The following CNTN4 variants were observed in gnomAD, a reference collection of about 807,000 sequenced individuals.
The protein encoded by CNTN4 is contactin-4.
A neutral mutation model predicts 122.5 loss-of-function variants in CNTN4; 77 were observed. That is an observed-to-expected ratio of 0.63 (90% CI 0.52 to 0.76). The LOEUF is 0.76. CNTN4 is among the 30% of genes least tolerant of loss of function. The pLI is 0.00. For missense variants in CNTN4, 1,256 were observed against 1,259.1 expected, an observed-to-expected ratio of 1.00 and a Z score of 0.04; for synonymous variants, 512 against 447.0, an observed-to-expected ratio of 1.15 and a Z score of -1.83.
In CNTN4 at chr3:2,100,657, A is replaced by G. The variant is rs938075873; in HGVS notation, c.-145+18A>G. ...CGTTACCCGTAAGTTTATTCTTGCT[A>G]TTTTTATCTTGATTTCTTTAAAGAT... On this transcript the variant is annotated intron_variant, in intron 2 of 24. Transcript: ENST00000418658. 2.0e-5 allele frequency: 3 copies of G among 152,180 alleles called. No homozygotes were observed. Among genetic ancestry groups the G allele is most frequent in the African/African-American group, 4.8e-5 (2 of 41,444 alleles). 9.4% of individuals were successfully genotyped at this position (152,180 alleles called of 1,614,324 possible).
At chr3:3,018,198 C>A (rs1381029077) in intron 14 of CNTN4, among the ~76,000 whole-genome samples, 2 of 152,142 alleles carry the variant, frequency 1.3e-5, no homozygotes, top group African/African-American at 2.4e-5. Flanking sequence ...TTGCTCCTGA[C>A]AATAGGTATT....
At chr3:2,684,772 T>C (rs2085345403) in intron 4 of CNTN4, among the ~76,000 whole-genome samples, 1 of 151,820 alleles carries the variant, frequency 6.6e-6, no homozygotes, top group Non-Finnish European at 1.5e-5. Context: ...TTTAAAATAG[T>C]TTAACAAAAA....
intron 4 of CNTN4, among the ~76,000 whole-genome samples, chr3:2,623,672 A>G (rs1211943038): frequency 1.3e-5 from 2 of 152,194 alleles, no homozygotes; most frequent in East Asian, 1.9e-4. Flanking sequence ...GGGCAAGCAT[A>G]GAAACCACTG....
At chr3:2,122,538 T>C (rs2033869351) in intron 2 of CNTN4, among the ~76,000 whole-genome samples, 1 of 152,220 alleles carries the variant, frequency 6.6e-6, no homozygotes, top group Non-Finnish European at 1.5e-5. Context: ...GAATTTATGT[T>C]CTTTACAGAC....
chr3:2,171,964 C>G (rs1027187160), intron 2 of CNTN4, among the ~76,000 whole-genome samples: 1 of 152,166 alleles, frequency 6.6e-6, no homozygotes, highest in African/African-American at 2.4e-5. Flanking sequence ...TCATTCCTGA[C>G]CTCGTGAATC....
rs139101802 is a variant in CNTN4, at chr3:2,245,293, G to A, written c.-144-93885G>A. Among the ~76,000 whole-genome samples the A allele has an allele frequency of 4.3e-3, 661 of 152,070 alleles. 4 individuals are homozygous for A. Among genetic ancestry groups the A allele is most frequent in the African/African-American group, 0.015 (626 of 41,512 alleles). On this transcript the variant is annotated intron_variant, in intron 2 of 24. Transcript: ENST00000418658. ...CTAATTCATTTGAGATCTAATATGT[G>A]GGCAAAATAGACAGATTGGTGCAAT...
At chr3:2,577,692 T>C (rs184334323) in intron 4 of CNTN4, among the ~76,000 whole-genome samples, 1 of 152,354 alleles carries the variant, frequency 6.6e-6, no homozygotes, top group Admixed American at 6.5e-5. Flanking sequence ...ATAGGTCATA[T>C]GCTTTACCAT....
At chr3:2,265,929 C>T (rs2041026023) in intron 2 of CNTN4, among the ~76,000 whole-genome samples, 1 of 151,968 alleles carries the variant, frequency 6.6e-6, no homozygotes, top group South Asian at 2.1e-4. Flanking sequence ...TATTCTGCAA[C>T]TTTATTGAAT....
At chr3:2,615,551 T>C (rs1358096105) in intron 4 of CNTN4, among the ~76,000 whole-genome samples, 3 of 146,416 alleles carry the variant, frequency 2.0e-5, no homozygotes, top group African/African-American at 7.8e-5. Flanking sequence ...ATTAAGACAG[T>C]GGAATGAAGT....
intron 6 of CNTN4, among the ~76,000 whole-genome samples, chr3:2,755,252 T>A (rs371648183): frequency 5.3e-5 from 8 of 152,228 alleles, no homozygotes; most frequent in East Asian, 1.9e-4. Context: ...GCCTGACTAC[T>A]TTTTAATTTG....
chr3:2,297,437 T>C (rs2042353622), intron 2 of CNTN4, among the ~76,000 whole-genome samples: 1 of 152,190 alleles, frequency 6.6e-6, no homozygotes, highest in South Asian at 2.1e-4. Flanking sequence ...GGTTATGTTG[T>C]TGCTTTTGAA....
At chr3:2,683,896 A>T (rs2085295212) in intron 4 of CNTN4, among the ~76,000 whole-genome samples, 1 of 152,112 alleles carries the variant, frequency 6.6e-6, no homozygotes, top group South Asian at 2.1e-4. Flanking sequence ...TAAACCTACC[A>T]AAAAAGAGTC....
chr3:2,492,922 A>G (rs1392025717), intron 3 of CNTN4, among the ~76,000 whole-genome samples: 1 of 152,182 alleles, frequency 6.6e-6, no homozygotes, highest in Non-Finnish European at 1.5e-5. Context: ...CAAAGACTTG[A>G]TGGTACAGTT....
intron 4 of CNTN4, among the ~76,000 whole-genome samples, chr3:2,727,179 G>A (rs2088290134): frequency 6.6e-6 from 1 of 152,096 alleles, no homozygotes; most frequent in Non-Finnish European, 1.5e-5. Context: ...AGAAATGTTT[G>A]AGAATTTAAA....
At chr3:2,650,076 A>AATATAT (rs139412989) in intron 4 of CNTN4, among the ~76,000 whole-genome samples, 11,202 of 145,510 alleles carry the variant, frequency 0.077, 448 homozygotes, top group Admixed American at 0.13. Flanking sequence ...TATTTTTATA[A>AATATAT]ATATATATAT....
intron 3 of CNTN4, among the ~76,000 whole-genome samples, chr3:2,405,467 G>T (rs74546641): frequency 2.6e-5 from 4 of 152,080 alleles, no homozygotes; most frequent in African/African-American, 7.2e-5. Context: ...AAAGGACATA[G>T]GCACTGACAT....
intron 7 of CNTN4, among the ~76,000 whole-genome samples, chr3:2,843,184 G>A (rs1306907697): frequency 6.6e-6 from 1 of 152,086 alleles, no homozygotes. Flanking sequence ...AGTTTTCCCA[G>A]TCACAGGAAA....
chr3:2,638,782 A>T (rs1576311000), intron 4 of CNTN4, among the ~76,000 whole-genome samples: 1 of 152,168 alleles, frequency 6.6e-6, no homozygotes, highest in South Asian at 2.1e-4. Context: ...GATAATGACA[A>T]CTTCATCTTT....
chr3:3,041,196 T>G (rs892851681), intron 20 of CNTN4: 2 of 152,168 alleles, frequency 1.3e-5, no homozygotes, highest in African/African-American at 4.8e-5. Context: ...GAAGATGCAA[T>G]AACTTATTCC....
Sources: allele counts gnomAD v4.1 joint callset (sites outside exome capture counted in the v4.1 genomes callset), GRCh38; gene constraint gnomAD v4.1.1; transcripts MANE v1.5; gene names NCBI Gene and HGNC (gene_info 2026-07-23, HGNC 2026-07-21).